The following MALRD1 variants were observed in gnomAD, a reference collection of about 807,000 sequenced individuals.
MALRD1 encodes the protein MAM and LDL-receptor class A domain-containing protein 1.
Under a neutral mutation model 242.1 loss-of-function variants are expected in MALRD1, and 247 were observed. The observed-to-expected ratio is 1.02, with a 90% confidence interval of 0.92 to 1.13. The LOEUF is 1.13. Among genes scored for constraint, MALRD1 ranks in the 50% most tolerant of loss-of-function variants. The probability of loss-of-function intolerance (pLI) is 0.00; values close to 1 mark genes in which losing one functional copy is unlikely to be tolerated. For missense variants in MALRD1, 2,989 were observed against 2,533.1 expected (o/e 1.18, Z -3.86); for synonymous variants, 995 against 866.6 (o/e 1.15, Z -2.60).
chr10:19,095,309 T>C (rs1835986784), intron 4 of MALRD1, among the ~76,000 whole-genome samples: 1 of 152,168 alleles, frequency 6.6e-6, no homozygotes, highest in Non-Finnish European at 1.5e-5. Context: ...TTTTCAGGCT[T>C]CAATAAACTT....
At chr10:19,320,127 A>C (rs570317938) in intron 21 of MALRD1, among the ~76,000 whole-genome samples, 14 of 141,988 alleles carry the variant, frequency 9.9e-5, no homozygotes, top group Non-Finnish European at 1.9e-4. Flanking sequence ...ATAGGTATAC[A>C]TGTGCCATGG....
rs2131232402 is a variant in MALRD1 at position 19,063,379 on chromosome 10, A to G, written c.200-3340A>G. On this transcript the variant is annotated intron_variant, in intron 1 of 39. Transcript: ENST00000454679. Reference sequence around the variant, plus strand: ...TTGTGTTCTGTCTTCTAAGAACATTATGTTGTGTTGCTTTACCCAGACCAT... The same window carrying G: ...TTGTGTTCTGTCTTCTAAGAACATTGTGTTGTGTTGCTTTACCCAGACCAT... Among the ~76,000 whole-genome samples, 3 of 152,198 alleles carry G rather than the reference A, an allele frequency of 2.0e-5. No homozygotes were observed. In the Middle Eastern group the frequency reaches 0.01, roughly 518 times the overall value.
intron 26 of MALRD1, among the ~76,000 whole-genome samples, chr10:19,373,674 G>A (rs1022799112): frequency 5.3e-5 from 8 of 152,064 alleles, no homozygotes; most frequent in Non-Finnish European, 1.0e-4. Flanking sequence ...TTTCTCACAC[G>A]TGTATACTTG....
At chr10:19,203,389 G>A (rs913297498) in intron 14 of MALRD1, among the ~76,000 whole-genome samples, 1 of 152,108 alleles carries the variant, frequency 6.6e-6, no homozygotes, top group Non-Finnish European at 1.5e-5. Flanking sequence ...CCCAGCTGAT[G>A]TAACAGTAGC....
intron 18 of MALRD1, among the ~76,000 whole-genome samples, chr10:19,239,830 A>G (rs1027244219): frequency 6.6e-6 from 1 of 151,982 alleles, no homozygotes; most frequent in African/African-American, 2.4e-5. Context: ...TTTATTTCTG[A>G]GCTGTATATT....
chr10:19,331,244 A>T, intron 23 of MALRD1, 125 bp from the exon 24 acceptor site: 1 of 878,460 alleles, frequency 1.1e-6, no homozygotes, highest in South Asian at 1.7e-5. Flanking sequence ...ATAAAAAACA[A>T]AAACAAAAAC....
intron 31 of MALRD1, among the ~76,000 whole-genome samples, chr10:19,515,615 A>G (rs1350575599): frequency 6.6e-6 from 1 of 151,996 alleles, no homozygotes; most frequent in Non-Finnish European, 1.5e-5. Context: ...GCTGGAGCAC[A>G]GTGGCCCGAT....
intron 10 of MALRD1, among the ~76,000 whole-genome samples, chr10:19,141,877 A>G (rs1327519469): frequency 6.6e-6 from 1 of 150,946 alleles, no homozygotes; most frequent in Non-Finnish European, 1.5e-5. Context: ...TCTTTCATGT[A>G]AAAAAAAATG....
intron 14 of MALRD1, among the ~76,000 whole-genome samples, chr10:19,182,489 TA>T (rs1405888279): frequency 3.2e-4 from 43 of 132,326 alleles, no homozygotes; most frequent in Non-Finnish European, 1.7e-5. Flanking sequence ...CACGCCCGGC[TA>T]ATTTTTTTTT....
At chr10:19,366,538 C>T (rs11009634) in intron 26 of MALRD1, among the ~76,000 whole-genome samples, 22,241 of 152,038 alleles carry the variant, frequency 0.15, 1,662 homozygotes, top group South Asian at 0.16. Context: ...CCTTTTCTAG[C>T]ATGTCTGACT....
chr10:19,612,329 A>G (rs571037578), intron 35 of MALRD1, among the ~76,000 whole-genome samples: 7 of 152,078 alleles, frequency 4.6e-5, no homozygotes, highest in African/African-American at 1.7e-4. Context: ...CCTTACTCTC[A>G]TCTTTGGCAC....
intron 18 of MALRD1, among the ~76,000 whole-genome samples, chr10:19,227,430 T>A (rs1837846823): frequency 6.6e-6 from 1 of 152,084 alleles, no homozygotes; most frequent in Non-Finnish European, 1.5e-5. Flanking sequence ...AAATGGAGAA[T>A]ATGAACTTCA....
chr10:19,285,388 CT>C (rs1841058227), intron 21 of MALRD1, among the ~76,000 whole-genome samples: 1 of 146,526 alleles, frequency 6.8e-6, no homozygotes. Context: ...GGTTTTAGGT[CT>C]AACGTTTAAA....
chr10:19,201,351 A>G (rs137955587), intron 14 of MALRD1, among the ~76,000 whole-genome samples: 1 of 152,314 alleles, frequency 6.6e-6, no homozygotes, highest in Non-Finnish European at 1.5e-5. Flanking sequence ...TTATCTTTGA[A>G]GAGTCTTATC....
At chr10:19,188,061 A>T (rs1835814621) in intron 14 of MALRD1, among the ~76,000 whole-genome samples, 1 of 152,190 alleles carries the variant, frequency 6.6e-6, no homozygotes, top group Non-Finnish European at 1.5e-5. Flanking sequence ...GTTGAGGACC[A>T]TTTCAGCCGA....
At chr10:19,494,157 C>A (rs1054864345) in intron 30 of MALRD1, among the ~76,000 whole-genome samples, 1 of 152,170 alleles carries the variant, frequency 6.6e-6, no homozygotes, top group Non-Finnish European at 1.5e-5. Flanking sequence ...CACCCCAAAT[C>A]GTCAACACCA....
chr10:19,624,380 C>T (rs1021016539), intron 36 of MALRD1, among the ~76,000 whole-genome samples: 1 of 152,030 alleles, frequency 6.6e-6, no homozygotes, highest in Non-Finnish European at 1.5e-5. Flanking sequence ...CTGGGGAAAG[C>T]TAAAGTAAAA....
intron 13 of MALRD1, among the ~76,000 whole-genome samples, chr10:19,173,509 A>G (rs975438074): frequency 1.3e-5 from 2 of 152,208 alleles, no homozygotes; most frequent in East Asian, 1.9e-4. Context: ...TTTTCTTTTT[A>G]ACAAATGCTG....
At chr10:19,207,297 A>G (rs1299612613) in intron 17 of MALRD1, among the ~76,000 whole-genome samples, 1 of 152,188 alleles carries the variant, frequency 6.6e-6, no homozygotes, top group Non-Finnish European at 1.5e-5. Context: ...TTTATTCTAC[A>G]GTGAATATCA....
Sources: allele counts gnomAD v4.1 joint callset (sites outside exome capture counted in the v4.1 genomes callset), GRCh38; gene constraint gnomAD v4.1.1; transcripts MANE v1.5; gene names NCBI Gene and HGNC (gene_info 2026-07-23, HGNC 2026-07-21).